VDAC1: variants seen among roughly 807,000 people sequenced by gnomAD.
VDAC1 encodes voltage dependent anion channel 1, also known as non-selective voltage-gated ion channel VDAC1.
In VDAC1, 10 loss-of-function variants were observed where a neutral mutation model predicts 34.7. The observed-to-expected ratio is 0.29, with a 90% CI of 0.18 to 0.49. The LOEUF (loss-of-function observed/expected upper bound fraction) is 0.49. Among genes scored for constraint, VDAC1 ranks in the 20% least tolerant of loss-of-function variants. The pLI, the probability that VDAC1 is intolerant of heterozygous loss-of-function variation, is 0.99. For missense variants in VDAC1, 230 were observed against 347.9 expected (o/e 0.66, Z 2.69); for synonymous variants, 130 against 136.0 (o/e 0.96, Z 0.30).
chr5:134,031,593 G>A, the VDAC1 span, among the ~76,000 whole-genome samples: 2 of 152,254 alleles, frequency 1.3e-5, no homozygotes, highest in African/African-American at 2.4e-5. Flanking sequence ...TTGGGAGGCC[G>A]AGGCAGGTGG....
chr5:134,037,851 A>G, the VDAC1 span, among the ~76,000 whole-genome samples: 1 of 152,218 alleles, frequency 6.6e-6, no homozygotes, highest in South Asian at 2.1e-4. Context: ...CCTGTAGATT[A>G]GTGAATCGTA....
the VDAC1 span, among the ~76,000 whole-genome samples, chr5:134,076,457 A>G: frequency 6.6e-6 from 1 of 152,108 alleles, no homozygotes; most frequent in Non-Finnish European, 1.5e-5. Context: ...AAGTTTGTGC[A>G]TGTCTGTCTC....
chr5:133,973,675 T>C (rs866567997), intron 8 of VDAC1, 116 bp downstream of exon 8: 4 of 872,200 alleles, frequency 4.6e-6, no homozygotes, highest in Middle Eastern at 3.6e-4. Flanking sequence ...CATATATCCA[T>C]TTATATATAC....
chr5:134,087,752 A>G, the VDAC1 span, among the ~76,000 whole-genome samples: 1,049 of 151,978 alleles, frequency 6.9e-3, 11 homozygotes, highest in African/African-American at 0.024. Flanking sequence ...GCTACTCAGG[A>G]GGCTGAGGCA....
the VDAC1 span, among the ~76,000 whole-genome samples, chr5:134,013,925 G>A: frequency 6.6e-6 from 1 of 151,692 alleles, no homozygotes; most frequent in Non-Finnish European, 1.5e-5. Context: ...CTGGGTGACA[G>A]AGTGAGACTC....
the VDAC1 span, among the ~76,000 whole-genome samples, chr5:134,026,464 A>G: frequency 2.7e-5 from 4 of 147,996 alleles, no homozygotes; most frequent in Non-Finnish European, 5.9e-5. Context: ...GCAGTGAGCC[A>G]AGATCACGCC....
chr5:134,039,009 C>T, the VDAC1 span, among the ~76,000 whole-genome samples: 2 of 152,094 alleles, frequency 1.3e-5, no homozygotes, highest in Non-Finnish European at 2.9e-5. Flanking sequence ...TTGCAATAGG[C>T]GCCTTATTTA....
chr5:134,088,823 T>A, the VDAC1 span, among the ~76,000 whole-genome samples: 1 of 152,112 alleles, frequency 6.6e-6, no homozygotes, highest in Admixed American at 6.6e-5. Context: ...ACATTCCAAG[T>A]TTTCCCCCAA....
chr5:134,045,540 C>G, the VDAC1 span, among the ~76,000 whole-genome samples: 9 of 152,214 alleles, frequency 5.9e-5, no homozygotes, highest in African/African-American at 2.2e-4. Context: ...AGCAGCATCT[C>G]CAAATCTGTC....
the VDAC1 span, among the ~76,000 whole-genome samples, chr5:134,048,637 G>A: frequency 6.6e-6 from 1 of 152,002 alleles, no homozygotes; most frequent in Non-Finnish European, 1.5e-5. Context: ...AAAGAAAACT[G>A]GGCCATAATG....
chr5:134,010,320 G>C, the VDAC1 span, among the ~76,000 whole-genome samples: 2 of 152,028 alleles, frequency 1.3e-5, no homozygotes, highest in Non-Finnish European at 2.9e-5. Flanking sequence ...GTGGGGGTCC[G>C]GGCGTGGTGG....
intron 5 of VDAC1, among the ~76,000 whole-genome samples, chr5:133,986,005 G>A (rs1378686351): frequency 6.6e-6 from 1 of 152,154 alleles, no homozygotes; most frequent in African/African-American, 2.4e-5. Context: ...GCAGTGCTGG[G>A]GAGTGGCTCA....
chr5:134,025,971 A>C, the VDAC1 span, among the ~76,000 whole-genome samples: 1 of 151,906 alleles, frequency 6.6e-6, no homozygotes, highest in Non-Finnish European at 1.5e-5. Flanking sequence ...GGCAGTGCCA[A>C]CCTTCTGCCT....
chr5:134,007,873 T>C (rs1182889471), upstream of VDAC1, among the ~76,000 whole-genome samples: 2 of 152,154 alleles, frequency 1.3e-5, no homozygotes, highest in Non-Finnish European at 2.9e-5. Flanking sequence ...ATAACCCCAC[T>C]TGAGCTTGAC....
chr5:134,050,615 ACTT>A, the VDAC1 span, among the ~76,000 whole-genome samples: 8 of 152,204 alleles, frequency 5.3e-5, no homozygotes, highest in African/African-American at 1.7e-4. Context: ...AAAGTCTTCC[ACTT>A]CTTCTTAGAA....
the VDAC1 span, among the ~76,000 whole-genome samples, chr5:134,090,231 T>G: frequency 1.3e-5 from 2 of 152,152 alleles, no homozygotes; most frequent in Non-Finnish European, 2.9e-5. Flanking sequence ...GCTACTCTAA[T>G]TCTTCGTGGA....
chr5:133,996,883 C>T (rs1753336998), intron 1 of VDAC1, among the ~76,000 whole-genome samples: 1 of 152,098 alleles, frequency 6.6e-6, no homozygotes. Flanking sequence ...TGGGGAGACC[C>T]TCAACTAGCA....
the VDAC1 span, among the ~76,000 whole-genome samples, chr5:134,048,789 T>C: frequency 6.6e-6 from 1 of 152,084 alleles, no homozygotes; most frequent in Non-Finnish European, 1.5e-5. Flanking sequence ...TTTAAACATA[T>C]CTGTGCTCAC....
the VDAC1 span, among the ~76,000 whole-genome samples, chr5:134,095,127 G>C: frequency 2.6e-5 from 4 of 152,130 alleles, no homozygotes; most frequent in African/African-American, 9.7e-5. Flanking sequence ...TAAATAAAAC[G>C]GTTGTTTTCT....
Sources: gnomAD v4.1 joint callset for allele counts (sites outside exome capture counted in the v4.1 genomes callset) on GRCh38, gnomAD v4.1.1 for gene constraint, MANE v1.5 for transcripts, NCBI Gene and HGNC (gene_info 2026-07-23, HGNC 2026-07-21) for gene names.